The following DNAAF9 variants were observed in gnomAD, a reference collection of about 807,000 sequenced individuals.
DNAAF9 encodes dynein axonemal assembly factor 9.
Under a neutral mutation model 167.0 loss-of-function variants are expected in DNAAF9, and 90 were observed. The ratio of observed to expected loss-of-function variants is 0.54; its 90% CI spans 0.45 to 0.64. The LOEUF is 0.64. DNAAF9 is among the 30% of genes least tolerant of loss of function. The pLI, the probability that DNAAF9 is intolerant of heterozygous loss-of-function variation, is 0.00. For missense variants in DNAAF9, 1,315 were observed against 1,442.2 expected (o/e 0.91, Z 1.43); for synonymous variants, 491 against 508.8 (o/e 0.96, Z 0.47).
chr20:3,373,925 C>T, intron 6 of DNAAF9, 123 bp downstream of exon 6: 1 of 638,964 alleles, frequency 1.6e-6, no homozygotes, highest in Non-Finnish European at 2.8e-6. Context: ...TCCTAACTTG[C>T]TCCATGCCCT....
At chr20:3,334,251 G>T (rs550708550) in intron 10 of DNAAF9, among the ~76,000 whole-genome samples, 9 of 152,260 alleles carry the variant, frequency 5.9e-5, no homozygotes, top group Non-Finnish European at 1.3e-4. Context: ...CTAACCCACT[G>T]CCGCCTCAGC....
At chr20:3,256,349 T>C in intron 33 of DNAAF9, 138 bp from the exon 34 acceptor site, 1 of 674,530 alleles carries the variant, frequency 1.5e-6, no homozygotes, top group African/African-American at 1.8e-5. Context: ...TGGTGGCAGC[T>C]TAGAAAGGAT....
intron 30 of DNAAF9, among the ~76,000 whole-genome samples, chr20:3,265,376 C>A (rs944025761): frequency 1.3e-5 from 2 of 151,556 alleles, no homozygotes; most frequent in Non-Finnish European, 2.9e-5. Context: ...ACCAGCCTGG[C>A]CAACATGGCG....
chr20:3,264,305 G>A lies in DNAAF9; in HGVS notation c.2873+133C>T, dbSNP rs558066817. ...CCAGCAGCTGCCGGACAGGCAGGCCGTGCCAGCTGCCATGTGTCACCCTTG... is the reference window on the plus strand; with the variant it reads ...CCAGCAGCTGCCGGACAGGCAGGCCATGCCAGCTGCCATGTGTCACCCTTG... On this transcript the variant is annotated intron_variant, in intron 31 of 36. Transcript: ENST00000252032. The A allele has an allele frequency of 1.2e-3, 729 of 619,528 alleles. 5 individuals are homozygous for A. The highest frequency in any genetic ancestry group is 0.012 in the African/African-American group (625 of 53,898). 38.4% of individuals were successfully genotyped at this position (619,528 alleles called of 1,614,324 possible). A position where few individuals can be genotyped will look rare whatever the true frequency, so the allele number is the denominator to read the frequency against.
rs777917699 is a variant in DNAAF9 at position 3,359,517 on chromosome 20, T to G, written c.689A>C (p.Asp230Ala). 2.2e-5 allele frequency: 36 copies of G among 1,606,294 alleles called. No homozygotes were observed. Among genetic ancestry groups the G allele is most frequent in the African/African-American group, 5.4e-5 (4 of 74,704 alleles). ...DPMSLESLLS[D>A]DLVAFEHQWT... ...AAAAGTTACTGTTTGGCTCCTTACATCTGAAAGCAAACTCTCCAGAGACAT... is the reference window on the plus strand; with the variant it reads ...AAAAGTTACTGTTTGGCTCCTTACAGCTGAAAGCAAACTCTCCAGAGACAT... The change falls in exon 7 of 37, where the codon GAT (aspartate) becomes GCT (alanine). Residue 230 changes from aspartate to alanine, a missense_variant and splice_region_variant. Physicochemically the swap from Asp to Ala is moderately radical, Grantham distance 126. Around this residue, in one of 2 missense-constraint regions of DNAAF9, gnomAD observed 981 missense variants for 1,012.5 expected, o/e 0.97. Coordinates refer to ENST00000252032, the MANE Select transcript of DNAAF9 (RefSeq NM_001009984.3).
At chr20:3,267,781 G>A (rs2122788590) in intron 30 of DNAAF9, among the ~76,000 whole-genome samples, 1 of 152,182 alleles carries the variant, frequency 6.6e-6, no homozygotes, top group South Asian at 2.1e-4. Context: ...GTTGCAGTGA[G>A]CTGAGATCGT....
chr20:3,406,958 C>G (rs528111233), intron 1 of DNAAF9, among the ~76,000 whole-genome samples: 1 of 151,996 alleles, frequency 6.6e-6, no homozygotes, highest in Non-Finnish European at 1.5e-5. Context: ...GGCAAAGGCT[C>G]TAGAGACCCA....
chr20:3,297,935 C>T, intron 22 of DNAAF9, 94 bp downstream of exon 22: 1 of 984,710 alleles, frequency 1.0e-6, no homozygotes, highest in Non-Finnish European at 1.6e-6. Flanking sequence ...CCTCTCATCA[C>T]TTCACTGTTA....
intron 34 of DNAAF9, 132 bp from the exon 35 acceptor site, chr20:3,255,416 A>G (rs1209660394): frequency 1.6e-6 from 1 of 628,186 alleles, no homozygotes; most frequent in East Asian, 2.8e-5. Context: ...TGGCCTGGAT[A>G]TAATATTCTG....
At chr20:3,294,488 G>T in intron 24 of DNAAF9, 40 bp downstream of exon 24, 1 of 1,383,874 alleles carries the variant, frequency 7.2e-7, no homozygotes, top group East Asian at 2.3e-5. Flanking sequence ...CATTTCAAAA[G>T]CCAGAATATT....
chr20:3,310,334 A>AAAGAAAGT (rs1555790618), intron 20 of DNAAF9, among the ~76,000 whole-genome samples: 1 of 3,750 alleles, frequency 2.7e-4, no homozygotes, highest in Non-Finnish European at 6.8e-4. Flanking sequence ...AGAGAAAGAA[A>AAAGAAAGT]AAGAAAGAAA....
chr20:3,264,610 G>A (rs1442973591), intron 30 of DNAAF9, 86 bp from the exon 31 acceptor site: 4 of 757,858 alleles, frequency 5.3e-6, no homozygotes, highest in African/African-American at 1.8e-5. Flanking sequence ...TCGCTCTGTC[G>A]CCAGGCTGGA....
chr20:3,357,000 G>A lies in DNAAF9; in HGVS notation c.690+2516C>T, dbSNP rs914735498. On this transcript the variant is annotated intron_variant, in intron 7 of 36. Transcript: ENST00000252032. ...TTTTCAGGTCCAAAGTACCAGTGCT[G>A]GGATTATTTATAAATTCCTATGTTC... 3.2e-4 allele frequency among the ~76,000 whole-genome samples: 48 copies of A among 152,110 alleles called. 1 individual carries two copies. Among genetic ancestry groups the A allele is most frequent in the Admixed American group, 7.2e-4 (11 of 15,268 alleles).
chr20:3,405,966 T>C (rs1342381858), intron 1 of DNAAF9, among the ~76,000 whole-genome samples: 1 of 152,180 alleles, frequency 6.6e-6, no homozygotes, highest in Non-Finnish European at 1.5e-5. Flanking sequence ...TGCGTTACTA[T>C]AAGCAGTTAA....
At chr20:3,401,181 A>G (rs2083977972) in intron 1 of DNAAF9, among the ~76,000 whole-genome samples, 1 of 152,132 alleles carries the variant, frequency 6.6e-6, no homozygotes, top group Non-Finnish European at 1.5e-5. Context: ...TGCTTTCTCT[A>G]GAGTATCACT....
At position 3,310,333 on chromosome 20, in the gene DNAAF9, AAAAGAAAGAAAG is replaced by A. The variant is rs376196616; in HGVS notation, c.1678+4688_1678+4699del. The stretch of plus-strand genomic sequence containing the variant: ...GAAAGAAAGAAAGGAAAGAGAAAGA[AAAAGAAAGAAAG>A]AAAGAAAGAAAGAAAGAAAGAAAGA... On this transcript the variant is annotated intron_variant, in intron 20 of 36. Coordinates refer to ENST00000252032, the MANE Select transcript of DNAAF9 (RefSeq NM_001009984.3). Among the ~76,000 whole-genome samples the A allele has an allele frequency of 4.9e-3, 520 of 106,178 alleles. 4 individuals are homozygous for A. The highest frequency in any genetic ancestry group is 0.016 in the Middle Eastern group (4 of 250). The allele number at this position is 106,178 out of a possible 152,430, so 69.7% of individuals were successfully genotyped here.
chr20:3,327,170 G>C (rs572802589), intron 12 of DNAAF9, among the ~76,000 whole-genome samples: 1 of 152,302 alleles, frequency 6.6e-6, no homozygotes, highest in South Asian at 2.1e-4. Context: ...TTCATTTCAG[G>C]GAACCACCTA....
intron 7 of DNAAF9, among the ~76,000 whole-genome samples, chr20:3,350,954 T>C (rs527442144): frequency 2.0e-5 from 3 of 152,264 alleles, no homozygotes; most frequent in South Asian, 4.1e-4. Context: ...CAATGGTGAA[T>C]TGAGGATCTA....
intron 1 of DNAAF9, among the ~76,000 whole-genome samples, chr20:3,386,477 T>C (rs552615207): frequency 1.3e-5 from 2 of 152,172 alleles, no homozygotes; most frequent in Non-Finnish European, 2.9e-5. Flanking sequence ...AATTAAAGCA[T>C]AGATCTAAAT....
Sources: gnomAD v4.1 joint callset for allele counts (sites outside exome capture counted in the v4.1 genomes callset) on GRCh38, gnomAD v4.1.1 for gene constraint, gnomAD v4.1.1 regional missense constraint, MANE v1.5 for transcripts, NCBI Gene and HGNC (gene_info 2026-07-23, HGNC 2026-07-21) for gene names.